The following RBFOX3 variants were observed in gnomAD, a reference collection of about 807,000 sequenced individuals.
RBFOX3 encodes the protein RNA binding fox-1 homolog 3, also known as RNA binding protein fox-1 homolog 3.
A neutral mutation model predicts 48.7 loss-of-function variants in RBFOX3; 17 were observed. The ratio of observed to expected loss-of-function variants is 0.35; its 90% CI spans 0.24 to 0.52. RBFOX3 has a LOEUF of 0.52. Among genes scored for constraint, RBFOX3 ranks in the 20% least tolerant of loss-of-function variants. RBFOX3 has a pLI of 0.94. For synonymous variants in RBFOX3, 212 were observed against 209.5 expected (o/e 1.01, Z -0.10); for missense variants, 382 against 497.5 (o/e 0.77, Z 2.21).
At chr17:79,256,926 C>A (rs905815038) in intron 3 of RBFOX3, among the ~76,000 whole-genome samples, 1 of 143,062 alleles carries the variant, frequency 7.0e-6, no homozygotes, top group Non-Finnish European at 1.5e-5. Context: ...CATCTCAAAA[C>A]AAACAAACAA....
In RBFOX3 at chr17:79,425,756, C is replaced by T. The variant is rs370212440; in HGVS notation, c.-175+56698G>A. 3.5e-4 allele frequency among the ~76,000 whole-genome samples: 53 copies of T among 151,288 alleles called. 1 individual carries two copies. The highest frequency in any genetic ancestry group is 3.4e-3 in the Middle Eastern group (1 of 292). ...CAGAGGGAGCAGTGAAGGGACAGAGCGGGAGATTGGGGGCCCGGGGGTTCC... is the reference window on the plus strand; with the variant it reads ...CAGAGGGAGCAGTGAAGGGACAGAGTGGGAGATTGGGGGCCCGGGGGTTCC... On this transcript the variant is annotated intron_variant, in intron 2 of 14. Transcript: ENST00000693108.
intron 1 of RBFOX3, among the ~76,000 whole-genome samples, chr17:79,555,511 ATGG>A (rs1167640938): frequency 1.2e-4 from 5 of 40,960 alleles, no homozygotes; most frequent in African/African-American, 1.2e-4. Flanking sequence ...GGTGGTGGTG[ATGG>A]TGGTGGTGAT....
At chr17:79,519,512 G>A (rs2085752174) in intron 1 of RBFOX3, among the ~76,000 whole-genome samples, 1 of 152,166 alleles carries the variant, frequency 6.6e-6, no homozygotes, top group African/African-American at 2.4e-5. Context: ...AGAGGAGACG[G>A]CTCCCCACCC....
intron 4 of RBFOX3, among the ~76,000 whole-genome samples, chr17:79,186,901 G>C (rs1331087062): frequency 6.6e-6 from 1 of 152,216 alleles, no homozygotes; most frequent in African/African-American, 2.4e-5. Flanking sequence ...AGGGGCCTTG[G>C]AGGGTGCAGG....
At chr17:79,109,103 G>A (rs916623370) in intron 5 of RBFOX3, among the ~76,000 whole-genome samples, 5 of 152,222 alleles carry the variant, frequency 3.3e-5, no homozygotes, top group African/African-American at 1.2e-4. Flanking sequence ...TGAGCTGTAC[G>A]TGTTCCCAAG....
intron 1 of RBFOX3, among the ~76,000 whole-genome samples, chr17:79,603,242 C>T (rs1178712749): frequency 1.3e-5 from 2 of 152,150 alleles, no homozygotes; most frequent in East Asian, 1.9e-4. Flanking sequence ...TTCCCTGCCT[C>T]GGCCTCCCAA....
chr17:79,391,781 C>T lies in RBFOX3; in HGVS notation c.-174-83957G>A, dbSNP rs1035162446. Among the ~76,000 whole-genome samples, 1 of 152,136 alleles carries T rather than the reference C, an allele frequency of 6.6e-6. No individual in the cohort carries two copies. Among genetic ancestry groups the T allele is most frequent in the South Asian group, 2.1e-4 (1 of 4,828 alleles). ...TATGTGGAGACACCAGGACCACCAA[C>T]ATGCATGACAACGAGAACCAGTACG... On this transcript the variant is annotated intron_variant, in intron 2 of 14. Transcript: ENST00000693108. The surrounding 1 kb of genome is among the most constrained non-coding windows in gnomAD (Gnocchi z 5.0).
Position 79,597,732 on chromosome 17 carries a change from AG to A in RBFOX3, c.-320+13093del, listed in dbSNP as rs1263040641. ...GGGGTTGGCTCCTGCCTTTCCCAGG[AG>A]GGAGGACAGACTCACCCTGTGGCCA... On this transcript the variant is annotated intron_variant, in intron 1 of 14. Coordinates refer to ENST00000693108, the MANE Select transcript of RBFOX3 (RefSeq NM_001350451.2). Among the ~76,000 whole-genome samples the A allele has an allele frequency of 9.3e-4, 142 of 152,274 alleles. 1 individual carries two copies. The East Asian group carries it at 0.02, about 21-fold the overall frequency.
At chr17:79,507,405 T>C (rs898994073) in intron 1 of RBFOX3, among the ~76,000 whole-genome samples, 9 of 152,214 alleles carry the variant, frequency 5.9e-5, no homozygotes, top group Non-Finnish European at 1.2e-4. Flanking sequence ...TTGGCGTCCA[T>C]GGGGGCGCCA....
At chr17:79,257,995 C>G (rs552083265) in intron 3 of RBFOX3, among the ~76,000 whole-genome samples, 1 of 152,242 alleles carries the variant, frequency 6.6e-6, no homozygotes. Flanking sequence ...TTCTCTCTCC[C>G]CCTTTATCCC....
At chr17:79,426,538 G>A (rs8075371) in intron 2 of RBFOX3, among the ~76,000 whole-genome samples, 65,763 of 151,910 alleles carry the variant, frequency 0.43, 14,636 homozygotes, top group East Asian at 0.61. Flanking sequence ...TCGTTTTACC[G>A]GTGAGGGAAC....
intron 4 of RBFOX3, among the ~76,000 whole-genome samples, chr17:79,143,854 A>C (rs950859725): frequency 5.9e-5 from 9 of 152,228 alleles, no homozygotes; most frequent in Non-Finnish European, 1.3e-4. Flanking sequence ...CCCGACCTGC[A>C]GTGCCTGGGC....
chr17:79,327,477 G>A (rs2079511237), intron 2 of RBFOX3, among the ~76,000 whole-genome samples: 2 of 152,224 alleles, frequency 1.3e-5, no homozygotes, highest in Admixed American at 6.5e-5. Context: ...CAGCAGCAGC[G>A]ACCACGGATG....
intron 1 of RBFOX3, among the ~76,000 whole-genome samples, chr17:79,540,407 C>G (rs2089507760): frequency 6.6e-6 from 1 of 152,250 alleles, no homozygotes; most frequent in African/African-American, 2.4e-5. Context: ...CCCCGGCACA[C>G]AGTGGAGGGG....
At chr17:79,388,765 C>T (rs1168197396) in intron 2 of RBFOX3, among the ~76,000 whole-genome samples, 1 of 152,202 alleles carries the variant, frequency 6.6e-6, no homozygotes, top group Non-Finnish European at 1.5e-5. Context: ...CCTGCACATG[C>T]CCCGGTGCTG....
intron 2 of RBFOX3, among the ~76,000 whole-genome samples, chr17:79,441,507 G>A (rs1677021050): frequency 6.6e-6 from 1 of 152,200 alleles, no homozygotes; most frequent in African/African-American, 2.4e-5. Flanking sequence ...GAGAGACGCT[G>A]CCTTGAGCTG....
chr17:79,124,308 G>A (rs1194331858), intron 4 of RBFOX3, among the ~76,000 whole-genome samples: 1 of 152,230 alleles, frequency 6.6e-6, no homozygotes, highest in Non-Finnish European at 1.5e-5. Flanking sequence ...CACACAGCAA[G>A]GTGACCACCA....
At position 79,535,821 on chromosome 17, in the gene RBFOX3, C is replaced by T. The variant is rs1599072780; in HGVS notation, c.-319-53223G>A. On this transcript the variant is annotated intron_variant, in intron 1 of 14. Coordinates refer to ENST00000693108, the MANE Select transcript of RBFOX3 (RefSeq NM_001350451.2). The surrounding 1 kb of genome is among the most constrained non-coding windows in gnomAD (Gnocchi z 4.5). ...TCCAAGGAACAGGGTGGGAAGAGTCCACACGGAGAGGGGCCGTGGGTTGAT... is the reference window on the plus strand; with the variant it reads ...TCCAAGGAACAGGGTGGGAAGAGTCTACACGGAGAGGGGCCGTGGGTTGAT... Among the ~76,000 whole-genome samples the T allele has an allele frequency of 1.3e-5, 2 of 152,134 alleles. No homozygotes were observed. The highest frequency in any genetic ancestry group is 4.1e-4 in the South Asian group (2 of 4,826).
intron 3 of RBFOX3, among the ~76,000 whole-genome samples, chr17:79,276,702 A>C (rs1236219349): frequency 6.6e-6 from 1 of 152,080 alleles, no homozygotes; most frequent in African/African-American, 2.4e-5. Flanking sequence ...CAAAACCAAA[A>C]CACAAACAAA....
Sources: gnomAD v4.1 joint callset for allele counts (sites outside exome capture counted in the v4.1 genomes callset) on GRCh38, gnomAD v4.1.1 for gene constraint, Gnocchi (gnomAD v3.1) non-coding constraint, MANE v1.5 for transcripts, NCBI Gene and HGNC (gene_info 2026-07-23, HGNC 2026-07-21) for gene names.